ENO1: variants seen among roughly 807,000 people sequenced by gnomAD.
The protein encoded by ENO1 is alpha-enolase.
In ENO1, 33 loss-of-function variants were observed where a neutral mutation model predicts 46.3. The ratio of observed to expected loss-of-function variants is 0.71; its 90% CI spans 0.54 to 0.95. The LOEUF is 0.95. Ranked by LOEUF, ENO1 falls within the 40% of genes least tolerant of loss-of-function variation. ENO1 has a pLI of 0.00. For missense variants in ENO1, 488 were observed against 553.3 expected (o/e 0.88, Z 1.18); for synonymous variants, 220 against 216.0 (o/e 1.02, Z -0.16).
At chr1:8,862,766 T>C in intron 11 of ENO1, 121 bp downstream of exon 11, 1 of 1,136,404 alleles carries the variant, frequency 8.8e-7, no homozygotes, top group Non-Finnish European at 1.3e-6. Flanking sequence ...GTCTGCACTG[T>C]GCACCTGCAC....
In ENO1 at chr1:8,871,304, G is replaced by C. The variant is rs1006951; in HGVS notation, c.181+587C>G. 4.4e-3 allele frequency: 4,407 copies of C among 994,926 alleles called. 146 individuals carry two copies. The African/African-American group carries it at 0.067, about 15-fold the overall frequency. The allele number at this position is 994,926 out of a possible 1,614,324, so 61.6% of individuals were successfully genotyped here. A position where few individuals can be genotyped will look rare whatever the true frequency, so the allele number is the denominator to read the frequency against. On this transcript the variant is annotated intron_variant, in intron 3 of 11. Coordinates refer to ENST00000234590, the MANE Select transcript of ENO1 (RefSeq NM_001428.5). Reference sequence around the variant, plus strand: ...GTGATCTAGCCCTATGTGCTTTTCTGTAATTTGGCCACATGTTCTATCTCT... The same window carrying C: ...GTGATCTAGCCCTATGTGCTTTTCTCTAATTTGGCCACATGTTCTATCTCT...
chr1:8,865,849 GC>G (rs28999088), intron 7 of ENO1, among the ~76,000 whole-genome samples: 7,932 of 152,162 alleles, frequency 0.052, 262 homozygotes, highest in Non-Finnish European at 0.075. Context: ...CCAAGAGAAA[GC>G]CCAGTGGAGG....
intron 5 of ENO1, among the ~76,000 whole-genome samples, chr1:8,867,608 T>C (rs939944111): frequency 6.6e-6 from 1 of 152,100 alleles, no homozygotes; most frequent in Admixed American, 6.5e-5. Context: ...CAGGCTGCAG[T>C]GCAGCGGCAG....
intron 8 of ENO1, among the ~76,000 whole-genome samples, chr1:8,864,775 C>CA (rs1370446783): frequency 1.3e-5 from 2 of 152,208 alleles, no homozygotes; most frequent in Non-Finnish European, 2.9e-5. Flanking sequence ...GTTAAACACA[C>CA]AGACTCTGGA....
chr1:8,874,150 C>T (rs189871574), intron 2 of ENO1, among the ~76,000 whole-genome samples: 1 of 152,304 alleles, frequency 6.6e-6, no homozygotes, highest in Admixed American at 6.5e-5. Flanking sequence ...CACACTGTAT[C>T]CTGCATTTGG....
At position 8,861,337 on chromosome 1, in the gene ENO1, C is replaced by T. The variant is rs369375352; in HGVS notation, c.*23G>A. Reference sequence around the variant, plus strand: ...GGGGTCTGTGTAGCCAACAGGTGACCGAAGGGCTTGCCTGCCCACAGCTTA... The same window carrying T: ...GGGGTCTGTGTAGCCAACAGGTGACTGAAGGGCTTGCCTGCCCACAGCTTA... On this transcript the variant is annotated 3_prime_UTR_variant, in exon 12 of 12. Transcript: ENST00000234590. The T allele has an allele frequency of 8.1e-5, 131 of 1,612,946 alleles. No individual in the cohort carries two copies. The highest frequency in any genetic ancestry group is 1.0e-4 in the Non-Finnish European group (122 of 1,179,948).
At chr1:8,861,502 T>C (rs906124172) in intron 11 of ENO1, 73 bp from the exon 12 acceptor site, 9 of 1,524,290 alleles carry the variant, frequency 5.9e-6, no homozygotes, top group Non-Finnish European at 8.1e-6. Context: ...AGTTTTCCCA[T>C]CCTAGATGTG....
At position 8,862,948 on chromosome 1, in the gene ENO1, A is replaced by G. The variant is rs748407244; in HGVS notation, c.1177-3T>C. 1.9e-6 allele frequency: 3 copies of G among 1,614,032 alleles called. No individual in the cohort carries two copies. Among genetic ancestry groups the G allele is most frequent in the South Asian group, 2.2e-5 (2 of 91,080 alleles). On this transcript the variant is annotated splice_polypyrimidine_tract_variant and splice_region_variant and intron_variant, in intron 10 of 11. Transcript: ENST00000234590. ...CGGCAAGGGGCACCAGTCTTGATCT[A>G]GGAGAAAAGAAAGGCCATTTGCTTA...
Position 8,861,106 on chromosome 1 carries a change from T to G in ENO1, c.*254A>C. On this transcript the variant is annotated 3_prime_UTR_variant, in exon 12 of 12. Coordinates refer to ENST00000234590, the MANE Select transcript of ENO1 (RefSeq NM_001428.5). Reference sequence around the variant, plus strand: ...CGAGGCTCACATGACTCTAGACACTTGGTGGAAAGTGAGGCGAGAAAAACA... The same window carrying G: ...CGAGGCTCACATGACTCTAGACACTGGGTGGAAAGTGAGGCGAGAAAAACA... 2.1e-6 allele frequency: 1 copy of G among 471,160 alleles called. No homozygotes were observed. Among genetic ancestry groups the G allele is most frequent in the Non-Finnish European group, 3.8e-6 (1 of 261,104 alleles). 29.2% of individuals were successfully genotyped at this position (471,160 alleles called of 1,614,324 possible).
intron 11 of ENO1, among the ~76,000 whole-genome samples, chr1:8,862,381 C>T (rs1642422971): frequency 1.4e-5 from 2 of 147,248 alleles, no homozygotes; most frequent in Admixed American, 1.4e-4. Context: ...AGCGGGGTGG[C>T]GGGCGGGGGG....
At chr1:8,868,822 C>T (rs554609511) in intron 4 of ENO1, among the ~76,000 whole-genome samples, 2 of 151,958 alleles carry the variant, frequency 1.3e-5, no homozygotes, top group South Asian at 4.2e-4. Flanking sequence ...TATAGGCATG[C>T]ACCATCATGC....
At chr1:8,870,274 G>A (rs933064831) in intron 4 of ENO1, 178 bp downstream of exon 4, 3 of 697,166 alleles carry the variant, frequency 4.3e-6, no homozygotes, top group Non-Finnish European at 4.6e-6. Context: ...CCAAAAGTGG[G>A]GTGAGGCAGC....
rs2124078853 is a variant in ENO1, at chr1:8,867,984, T to A, written c.310+4A>T. ...CAGTAAAGACGCCACCTCAGGCCAC[T>A]CACATTTATTTTCTGTTCCATCCAT... On this transcript the variant is annotated splice_donor_region_variant and intron_variant, in intron 5 of 11. Coordinates refer to ENST00000234590, the MANE Select transcript of ENO1 (RefSeq NM_001428.5). 1.2e-6 allele frequency: 2 copies of A among 1,613,796 alleles called. No individual in the cohort carries two copies. The highest frequency in any genetic ancestry group is 1.7e-6 in the Non-Finnish European group (2 of 1,179,782).
chr1:8,868,814 T>C (rs1173754737), intron 4 of ENO1, among the ~76,000 whole-genome samples: 3 of 152,092 alleles, frequency 2.0e-5, no homozygotes, highest in African/African-American at 7.2e-5. Flanking sequence ...GCTGGGACTA[T>C]AGGCATGCAC....
chr1:8,871,444 C>T (rs1642630813), intron 3 of ENO1: 2 of 999,168 alleles, frequency 2.0e-6, no homozygotes, highest in African/African-American at 3.5e-5. Flanking sequence ...CTAAATGACA[C>T]ACCTGCAGCT....
chr1:8,870,676 G>C, intron 3 of ENO1, 166 bp from the exon 4 acceptor site: 2 of 1,476,166 alleles, frequency 1.4e-6, no homozygotes, highest in Non-Finnish European at 1.8e-6. Context: ...AGGACTTTCC[G>C]GCCCAGTCTG....
intron 6 of ENO1, 77 bp downstream of exon 6, chr1:8,867,040 C>A: frequency 2.6e-6 from 4 of 1,568,328 alleles, no homozygotes; most frequent in Middle Eastern, 1.8e-4. Context: ...GATATCAAGG[C>A]ATAGGAGGTC....
intron 7 of ENO1, 41 bp downstream of exon 7, chr1:8,866,238 C>T (rs200211221): frequency 1.3e-6 from 2 of 1,593,318 alleles, no homozygotes; most frequent in East Asian, 4.5e-5. Flanking sequence ...GGAGCTGGCG[C>T]TGCAGGGCTG....
At chr1:8,871,438 A>G (rs929806147) in intron 3 of ENO1, 2 of 997,718 alleles carry the variant, frequency 2.0e-6, no homozygotes, top group African/African-American at 3.5e-5. Context: ...ATCACACTAA[A>G]TGACACACCT....
Sources: allele counts gnomAD v4.1 joint callset (sites outside exome capture counted in the v4.1 genomes callset), GRCh38; gene constraint gnomAD v4.1.1; transcripts MANE v1.5; gene names NCBI Gene and HGNC (gene_info 2026-07-23, HGNC 2026-07-21).